Variants in WBP1L observed in about 807,000 individuals in gnomAD.
The protein encoded by WBP1L is WW domain binding protein 1-like.
In WBP1L, 17 loss-of-function variants were observed where a neutral mutation model predicts 33.7. The observed-to-expected ratio is 0.50, with a 90% CI of 0.34 to 0.76. The LOEUF is 0.76. Ranked by LOEUF, WBP1L falls within the 30% of genes least tolerant of loss-of-function variation. WBP1L has a pLI of 0.01. For synonymous variants in WBP1L, 173 were observed against 190.8 expected (o/e 0.91, Z 0.77); for missense variants, 389 against 469.4 (o/e 0.83, Z 1.58).
chr10:102,748,375 A>T (rs1479411262), intron 1 of WBP1L, among the ~76,000 whole-genome samples: 1 of 151,406 alleles, frequency 6.6e-6, no homozygotes. Flanking sequence ...CCTTACCTTT[A>T]CTCACCTCCA....
At chr10:102,807,364 C>G (rs191508237) in intron 2 of WBP1L, among the ~76,000 whole-genome samples, 9 of 152,048 alleles carry the variant, frequency 5.9e-5, no homozygotes, top group Non-Finnish European at 1.3e-4. Flanking sequence ...GACCATACCC[C>G]TCCTTTTTCT....
intron 1 of WBP1L, among the ~76,000 whole-genome samples, chr10:102,764,861 A>G (rs148346505): frequency 1.9e-4 from 29 of 152,314 alleles, no homozygotes; most frequent in African/African-American, 7.0e-4. Context: ...AACTTTCACA[A>G]TTCTTTATGC....
intron 1 of WBP1L, among the ~76,000 whole-genome samples, chr10:102,747,383 ATG>A (rs1220780434): frequency 8.0e-5 from 12 of 150,462 alleles, no homozygotes; most frequent in Non-Finnish European, 1.8e-4. Flanking sequence ...AAAAAAAAGA[ATG>A]AGAAAACAGT....
chr10:102,809,967 C>T lies in WBP1L; in HGVS notation c.268C>T (p.Arg90Cys). The T allele has an allele frequency of 2.5e-6, 4 of 1,614,068 alleles. No individual in the cohort carries two copies. Among genetic ancestry groups the T allele is most frequent in the South Asian group, 1.1e-5 (1 of 91,084 alleles). ...TTGCCACCACCGCCGAGCCAAGCACCGCCTTCAGGCCCAGCAGCGGCAACA... is the reference window on the plus strand; with the variant it reads ...TTGCCACCACCGCCGAGCCAAGCACTGCCTTCAGGCCCAGCAGCGGCAACA... Reference protein sequence around the residue: ...CVCHHRRAKHRLQAQQRQHEI... With the variant: ...CVCHHRRAKHCLQAQQRQHEI... The change falls in exon 3 of 4, where the codon CGC becomes TGC. Residue 90 changes from arginine to cysteine, a missense_variant. Physicochemically the swap from Arg to Cys is radical, Grantham distance 180. Transcript: ENST00000448841.
chr10:102,765,280 A>C (rs1843093110), intron 1 of WBP1L, among the ~76,000 whole-genome samples: 2 of 152,068 alleles, frequency 1.3e-5, no homozygotes, highest in Non-Finnish European at 2.9e-5. Context: ...CACAGGCTGG[A>C]GTGCAGTGGT....
chr10:102,744,676 G>A (rs1052664033), intron 1 of WBP1L, among the ~76,000 whole-genome samples: 1 of 152,126 alleles, frequency 6.6e-6, no homozygotes, highest in African/African-American at 2.4e-5. Flanking sequence ...AAGCCATGGC[G>A]CACTTGGTTG....
At chr10:102,806,096 G>C (rs1001946817) in intron 2 of WBP1L, among the ~76,000 whole-genome samples, 3 of 151,134 alleles carry the variant, frequency 2.0e-5, no homozygotes, top group Non-Finnish European at 2.9e-5. Flanking sequence ...ACCTGTAGTT[G>C]CAGCTGCTGA....
intron 1 of WBP1L, among the ~76,000 whole-genome samples, chr10:102,750,916 C>T (rs1341180847): frequency 6.6e-6 from 1 of 152,172 alleles, no homozygotes; most frequent in Non-Finnish European, 1.5e-5. Context: ...CTTGCCATTC[C>T]TATGGATTTG....
intron 2 of WBP1L, among the ~76,000 whole-genome samples, chr10:102,799,274 C>T (rs565652288): frequency 9.2e-5 from 14 of 151,866 alleles, no homozygotes; most frequent in Non-Finnish European, 1.5e-4. Context: ...TGCAGTGAGC[C>T]GAGGTTGCGC....
chr10:102,775,450 G>A (rs1427065014), intron 1 of WBP1L, among the ~76,000 whole-genome samples: 19 of 152,154 alleles, frequency 1.2e-4, no homozygotes, highest in African/African-American at 4.8e-5. Flanking sequence ...AACCTAAGGC[G>A]GTGAACTTTT....
rs1843938644 is a variant in WBP1L, at chr10:102,816,055, C to T, written c.*2724C>T. The stretch of plus-strand genomic sequence containing the variant: ...TGGAGGGTTTGGTGCTACAGCCAGT[C>T]AGAAGATTTGCAAATGCGAACACAT... On this transcript the variant is annotated 3_prime_UTR_variant, in exon 4 of 4. Transcript: ENST00000448841. The T allele has an allele frequency of 6.6e-6, 1 of 152,648 alleles. No individual in the cohort carries two copies. Among genetic ancestry groups the T allele is most frequent in the African/African-American group, 2.4e-5 (1 of 41,450 alleles). The allele number at this position is 152,648 out of a possible 1,614,324, so 9.5% of individuals were successfully genotyped here.
intron 1 of WBP1L, among the ~76,000 whole-genome samples, chr10:102,789,105 G>GC (rs1376052680): frequency 6.6e-6 from 1 of 152,124 alleles, no homozygotes; most frequent in Non-Finnish European, 1.5e-5. Context: ...GACTACAGGT[G>GC]CGCACAACCA....
chr10:102,784,421 C>CTTTTTTT (rs35898015), intron 1 of WBP1L, among the ~76,000 whole-genome samples: 208 of 97,748 alleles, frequency 2.1e-3, no homozygotes, highest in East Asian at 2.8e-3. Context: ...GTTCTTGTTT[C>CTTTTTTT]TTTTTTTTTT....
intron 1 of WBP1L, among the ~76,000 whole-genome samples, chr10:102,770,484 T>C (rs1036238313): frequency 2.6e-5 from 4 of 152,190 alleles, no homozygotes; most frequent in Non-Finnish European, 4.4e-5. Flanking sequence ...TAAAATAAGA[T>C]ACCCCTAGAC....
At chr10:102,793,454 C>T (rs1014723824) in intron 1 of WBP1L, among the ~76,000 whole-genome samples, 9 of 152,200 alleles carry the variant, frequency 5.9e-5, no homozygotes, top group South Asian at 2.1e-4. Flanking sequence ...CCAATAAATA[C>T]GTAAATAGTA....
intron 1 of WBP1L, among the ~76,000 whole-genome samples, chr10:102,761,473 T>C (rs1411241958): frequency 6.6e-6 from 1 of 151,738 alleles, no homozygotes; most frequent in Non-Finnish European, 1.5e-5. Context: ...TTTCTTTTTT[T>C]GAGACGGAGT....
chr10:102,763,844 C>T (rs553607908), intron 1 of WBP1L, among the ~76,000 whole-genome samples: 11 of 152,252 alleles, frequency 7.2e-5, no homozygotes, highest in Admixed American at 1.3e-4. Flanking sequence ...GACAGAGTCT[C>T]GCTCTGTCAT....
chr10:102,771,877 C>T (rs973197477), intron 1 of WBP1L, among the ~76,000 whole-genome samples: 13 of 151,934 alleles, frequency 8.6e-5, no homozygotes, highest in Non-Finnish European at 1.6e-4. Flanking sequence ...TCTGGGGGTT[C>T]TCTGAATTGC....
intron 1 of WBP1L, among the ~76,000 whole-genome samples, chr10:102,786,770 A>AC (rs931672157): frequency 2.0e-5 from 3 of 152,032 alleles, no homozygotes; most frequent in African/African-American, 7.2e-5. Context: ...CCCCACTACT[A>AC]CCCCTGGGAC....
Sources: gnomAD v4.1 joint callset for allele counts (sites outside exome capture counted in the v4.1 genomes callset) on GRCh38, gnomAD v4.1.1 for gene constraint, MANE v1.5 for transcripts, NCBI Gene and HGNC (gene_info 2026-07-23, HGNC 2026-07-21) for gene names.